TLK1: variants seen among roughly 807,000 people sequenced by gnomAD.
TLK1 encodes tousled like kinase 1.
Under a neutral mutation model 105.3 loss-of-function variants are expected in TLK1, and 24 were observed. The observed-to-expected ratio is 0.23, with a 90% CI of 0.17 to 0.32. The LOEUF (loss-of-function observed/expected upper bound fraction) is 0.32, where lower values mean the gene tolerates loss of function less well. Ranked by LOEUF, TLK1 falls within the 10% of genes least tolerant of loss-of-function variation. The pLI is 1.00. For missense variants in TLK1, 558 were observed against 910.5 expected (o/e 0.61, Z 4.98); for synonymous variants, 321 against 310.4 (o/e 1.03, Z -0.36).
intron 11 of TLK1, among the ~76,000 whole-genome samples, chr2:171,030,962 G>C (rs942840322): frequency 6.6e-6 from 1 of 151,312 alleles, no homozygotes; most frequent in Non-Finnish European, 1.5e-5. Flanking sequence ...TTTTGTTGTT[G>C]TGTGTTGTTA....
chr2:171,187,080 AAAAG>A (rs1693043145), intron 1 of TLK1, among the ~76,000 whole-genome samples: 4 of 128,072 alleles, frequency 3.1e-5, no homozygotes, highest in East Asian at 7.1e-4. Flanking sequence ...AAAAAAAAAA[AAAAG>A]AAAAAGAAAA....
At chr2:171,168,369 AAAAAAAAT>A (rs1413350827) in intron 1 of TLK1, among the ~76,000 whole-genome samples, 17 of 151,636 alleles carry the variant, frequency 1.1e-4, no homozygotes, top group East Asian at 1.9e-4. Flanking sequence ...CTCCTCTTCC[AAAAAAAAT>A]AAAAAAATAA....
intron 1 of TLK1, among the ~76,000 whole-genome samples, chr2:171,147,843 G>A (rs888779347): frequency 2.6e-5 from 4 of 151,978 alleles, no homozygotes; most frequent in Non-Finnish European, 5.9e-5. Context: ...TAAGCATCAA[G>A]CACTAGATTT....
intron 2 of TLK1, among the ~76,000 whole-genome samples, chr2:171,090,226 A>G (rs1689168149): frequency 1.3e-5 from 2 of 152,082 alleles, no homozygotes; most frequent in South Asian, 4.1e-4. Flanking sequence ...TTATATTAAC[A>G]ATTTTTAATA....
intron 12 of TLK1, among the ~76,000 whole-genome samples, chr2:171,015,744 T>C (rs1386436063): frequency 1.3e-5 from 2 of 149,112 alleles, no homozygotes; most frequent in Non-Finnish European, 2.9e-5. Context: ...CACCCCTTTT[T>C]TGTCAATACA....
intron 11 of TLK1, among the ~76,000 whole-genome samples, chr2:171,041,790 C>A (rs1314876384): frequency 6.6e-6 from 1 of 151,946 alleles, no homozygotes; most frequent in Non-Finnish European, 1.5e-5. Context: ...ATGTTAATTT[C>A]TTGATAGACA....
intron 8 of TLK1, 69 bp from the exon 9 acceptor site, chr2:171,050,243 T>A: frequency 9.1e-7 from 1 of 1,096,756 alleles, no homozygotes; most frequent in Middle Eastern, 2.3e-4. Context: ...ATAGTTTTAA[T>A]GTTCTAAATA....
chr2:171,086,843 G>A (rs1021053890), intron 2 of TLK1, among the ~76,000 whole-genome samples: 1 of 151,938 alleles, frequency 6.6e-6, no homozygotes, highest in African/African-American at 2.4e-5. Context: ...AAGTAAGGAG[G>A]GATACGCTGG....
intron 12 of TLK1, among the ~76,000 whole-genome samples, chr2:171,015,438 AC>A (rs1685131974): frequency 1.3e-5 from 2 of 150,486 alleles, no homozygotes; most frequent in African/African-American, 4.9e-5. Context: ...ACACACACAC[AC>A]ACACACACAC....
chr2:171,063,881 T>C (rs949757897), intron 3 of TLK1, among the ~76,000 whole-genome samples: 9 of 152,232 alleles, frequency 5.9e-5, no homozygotes, highest in African/African-American at 1.9e-4. Context: ...TCAAAACTTA[T>C]TTGAGACAAC....
At chr2:171,103,435 G>A (rs1051205462) in intron 2 of TLK1, among the ~76,000 whole-genome samples, 5 of 151,966 alleles carry the variant, frequency 3.3e-5, no homozygotes, top group South Asian at 2.1e-4. Context: ...GTCCCACCAT[G>A]TCCGGCTAAT....
chr2:171,050,416 T>C (rs755081312), intron 8 of TLK1, among the ~76,000 whole-genome samples: 4 of 152,200 alleles, frequency 2.6e-5, no homozygotes, highest in Non-Finnish European at 5.9e-5. Flanking sequence ...TTCAAATCCA[T>C]ACTCTAAGGT....
At chr2:171,186,488 C>A (rs540734283) in intron 1 of TLK1, among the ~76,000 whole-genome samples, 1 of 152,312 alleles carries the variant, frequency 6.6e-6, no homozygotes, top group South Asian at 2.1e-4. Context: ...AAATATCCTA[C>A]AATGTGTGGG....
intron 2 of TLK1, among the ~76,000 whole-genome samples, chr2:171,113,138 T>TA (rs1177909932): frequency 6.6e-6 from 1 of 151,930 alleles, no homozygotes; most frequent in Non-Finnish European, 1.5e-5. Context: ...CTCTACCATA[T>TA]AAAAAAGACA....
At chr2:171,107,600 T>C (rs1158721205) in intron 2 of TLK1, among the ~76,000 whole-genome samples, 2 of 152,164 alleles carry the variant, frequency 1.3e-5, no homozygotes, top group South Asian at 2.1e-4. Flanking sequence ...AGAATGTCTG[T>C]TCATATTCAA....
intron 1 of TLK1, among the ~76,000 whole-genome samples, chr2:171,172,363 A>G (rs1692746222): frequency 6.6e-6 from 1 of 152,246 alleles, no homozygotes; most frequent in Admixed American, 6.5e-5. Flanking sequence ...AGCTATATAC[A>G]TTTAGATTTG....
At chr2:171,171,257 T>A (rs1692720210) in intron 1 of TLK1, among the ~76,000 whole-genome samples, 1 of 151,854 alleles carries the variant, frequency 6.6e-6, no homozygotes, top group Admixed American at 6.6e-5. Context: ...TCCCAGCACT[T>A]TGGGAGGCCA....
chr2:171,069,839 A>C (rs1220248735), intron 3 of TLK1, among the ~76,000 whole-genome samples: 1 of 152,208 alleles, frequency 6.6e-6, no homozygotes, highest in African/African-American at 2.4e-5. Flanking sequence ...AAAATGGTAA[A>C]TACCAAATAG....
intron 2 of TLK1, among the ~76,000 whole-genome samples, chr2:171,095,376 T>C (rs2105496322): frequency 6.6e-6 from 1 of 151,826 alleles, no homozygotes; most frequent in Middle Eastern, 3.4e-3. Flanking sequence ...CTTTAGCAAG[T>C]CCTACCAAGA....
Sources: allele counts gnomAD v4.1 joint callset (sites outside exome capture counted in the v4.1 genomes callset), GRCh38; gene constraint gnomAD v4.1.1; transcripts MANE v1.5; gene names NCBI Gene and HGNC (gene_info 2026-07-23, HGNC 2026-07-21).